CNTNAP2: variants seen among roughly 807,000 people sequenced by gnomAD.
CNTNAP2 encodes contactin associated protein 2, also known as contactin-associated protein-like 2.
CNTNAP2 carries 98 observed loss-of-function variants against 155.2 expected under a neutral mutation model. The observed-to-expected ratio is 0.63, with a 90% CI of 0.54 to 0.75. The LOEUF (loss-of-function observed/expected upper bound fraction) is 0.75. CNTNAP2 is among the 30% of genes least tolerant of loss of function. The pLI, the probability that CNTNAP2 is intolerant of heterozygous loss-of-function variation, is 0.00. For synonymous variants in CNTNAP2, 651 were observed against 631.2 expected (o/e 1.03, Z -0.47); for missense variants, 1,727 against 1,688.1 (o/e 1.02, Z -0.40).
Position 146,116,839 on chromosome 7 carries a change from A to G in CNTNAP2, c.-38A>G. 1 of 1,505,530 alleles carries G rather than the reference A, an allele frequency of 6.6e-7. No homozygotes were observed. Among genetic ancestry groups the G allele is most frequent in the Non-Finnish European group, 9.0e-7 (1 of 1,113,636 alleles). The allele number at this position is 1,505,530 out of a possible 1,614,324, so 93.3% of individuals were successfully genotyped here. A position where few individuals can be genotyped will look rare whatever the true frequency, so the allele number is the denominator to read the frequency against. On this transcript the variant is annotated 5_prime_UTR_variant, in exon 1 of 24. Transcript: ENST00000361727. This position sits in a 1 kb window ranked among gnomAD's most constrained non-coding sequence, Gnocchi z 5.5. The stretch of plus-strand genomic sequence containing the variant: ...ACGGAGAGTCGGACTGCATCTCCGC[A>G]GCGAGCTCTTGGAGCGCCGCCGGCC...
At chr7:146,932,590 A>G (rs1796799125) in intron 3 of CNTNAP2, among the ~76,000 whole-genome samples, 2 of 152,140 alleles carry the variant, frequency 1.3e-5, no homozygotes, top group South Asian at 4.1e-4. Context: ...TGGCCAGGGC[A>G]ATTAGGCAGG....
intron 14 of CNTNAP2, among the ~76,000 whole-genome samples, chr7:147,961,378 T>C (rs1440280095): frequency 1.3e-5 from 2 of 152,156 alleles, no homozygotes; most frequent in Non-Finnish European, 2.9e-5. Context: ...AATGAGCTAG[T>C]GTGGTTATTT....
intron 3 of CNTNAP2, among the ~76,000 whole-genome samples, chr7:146,913,381 G>T (rs1796329770): frequency 6.6e-6 from 1 of 152,148 alleles, no homozygotes; most frequent in Non-Finnish European, 1.5e-5. Flanking sequence ...AGGTGAAAAA[G>T]TTTGATGAAA....
chr7:146,550,413 T>TTGTTTTTG (rs1261565587), intron 1 of CNTNAP2, among the ~76,000 whole-genome samples: 2 of 117,120 alleles, frequency 1.7e-5, no homozygotes, highest in Non-Finnish European at 3.9e-5. Flanking sequence ...TTTTTTTTTT[T>TTGTTTTTG]TTTTTTTTTT....
At chr7:146,463,496 T>A (rs1206240597) in intron 1 of CNTNAP2, among the ~76,000 whole-genome samples, 1 of 152,090 alleles carries the variant, frequency 6.6e-6, no homozygotes, top group African/African-American at 2.4e-5. Context: ...GGAACATTGT[T>A]CTTAAATGTG....
At chr7:146,978,541 C>G (rs1238758666) in intron 3 of CNTNAP2, among the ~76,000 whole-genome samples, 7 of 152,072 alleles carry the variant, frequency 4.6e-5, no homozygotes, top group Admixed American at 2.6e-4. Flanking sequence ...TGTCAAAAGA[C>G]TATTTAAGAA....
At chr7:146,381,721 A>T (rs1299086749) in intron 1 of CNTNAP2, among the ~76,000 whole-genome samples, 1 of 152,206 alleles carries the variant, frequency 6.6e-6, no homozygotes, top group Non-Finnish European at 1.5e-5. Flanking sequence ...AGAAGAGCTA[A>T]AGATAAGGGC....
intron 11 of CNTNAP2, among the ~76,000 whole-genome samples, chr7:147,503,329 C>T (rs1798852201): frequency 6.6e-6 from 1 of 152,204 alleles, no homozygotes; most frequent in African/African-American, 2.4e-5. Context: ...CTTGTAAAGA[C>T]ACCAGCCATT....
At chr7:146,934,445 G>GT (rs1796865412) in intron 3 of CNTNAP2, among the ~76,000 whole-genome samples, 1 of 124,768 alleles carries the variant, frequency 8.0e-6, no homozygotes, top group Admixed American at 9.1e-5. Context: ...CTGTTGTGGG[G>GT]TGGGGGGAGG....
At chr7:148,047,050 A>G (rs1320004858) in intron 15 of CNTNAP2, among the ~76,000 whole-genome samples, 1 of 151,868 alleles carries the variant, frequency 6.6e-6, no homozygotes, top group African/African-American at 2.4e-5. Flanking sequence ...TTGGGCCCCC[A>G]CCTCCCCAAC....
intron 11 of CNTNAP2, among the ~76,000 whole-genome samples, chr7:147,521,333 A>G (rs994731965): frequency 6.6e-6 from 1 of 152,190 alleles, no homozygotes; most frequent in African/African-American, 2.4e-5. Flanking sequence ...TTCTTCTCAT[A>G]CAAGGTTTGG....
intron 3 of CNTNAP2, among the ~76,000 whole-genome samples, chr7:146,866,096 G>A (rs976212428): frequency 6.6e-6 from 1 of 152,014 alleles, no homozygotes; most frequent in African/African-American, 2.4e-5. Flanking sequence ...ACTGAATTCA[G>A]TGCTATTTGC....
At chr7:147,916,861 A>C (rs940234019) in intron 14 of CNTNAP2, among the ~76,000 whole-genome samples, 6 of 152,092 alleles carry the variant, frequency 3.9e-5, no homozygotes, top group African/African-American at 1.4e-4. Context: ...CACCCTCCCT[A>C]CCAGGCCAGC....
chr7:146,711,008 C>G (rs12703833), intron 1 of CNTNAP2, among the ~76,000 whole-genome samples: 1 of 151,784 alleles, frequency 6.6e-6, no homozygotes, highest in East Asian at 2.0e-4. Flanking sequence ...TTCACTTAAC[C>G]TGGAACCTCC....
chr7:147,756,407 A>G (rs1393223535), intron 13 of CNTNAP2, among the ~76,000 whole-genome samples: 5 of 152,220 alleles, frequency 3.3e-5, no homozygotes, highest in East Asian at 1.9e-4. Context: ...CAATGTATCA[A>G]TGATTGCATT....
At chr7:146,555,676 A>G (rs1798188450) in intron 1 of CNTNAP2, among the ~76,000 whole-genome samples, 1 of 152,212 alleles carries the variant, frequency 6.6e-6, no homozygotes, top group African/African-American at 2.4e-5. Context: ...TATTATGTTT[A>G]ATGAAATTAC....
At position 147,649,124 on chromosome 7, in the gene CNTNAP2, A is replaced by G. The variant is rs1034456633; in HGVS notation, c.2098+9818A>G. 3.3e-5 allele frequency among the ~76,000 whole-genome samples: 5 copies of G among 152,150 alleles called. No homozygotes were observed. The East Asian group carries it at 9.6e-4, about 29-fold the overall frequency. On this transcript the variant is annotated intron_variant, in intron 13 of 23. Coordinates refer to ENST00000361727, the MANE Select transcript of CNTNAP2 (RefSeq NM_014141.6). ...GGTAAATTTTATTAAGGGTAGCTCGAGTTGTACTAAAAGGGTACTGCTAGT... is the reference window on the plus strand; with the variant it reads ...GGTAAATTTTATTAAGGGTAGCTCGGGTTGTACTAAAAGGGTACTGCTAGT...
At chr7:147,924,981 T>C (rs535022169) in intron 14 of CNTNAP2, among the ~76,000 whole-genome samples, 1 of 151,876 alleles carries the variant, frequency 6.6e-6, no homozygotes, top group South Asian at 2.1e-4. Context: ...TAGCCAGGCT[T>C]AGAGGCACGA....
At chr7:148,231,991 G>T (rs1195101520) in intron 20 of CNTNAP2, among the ~76,000 whole-genome samples, 1 of 152,184 alleles carries the variant, frequency 6.6e-6, no homozygotes, top group Non-Finnish European at 1.5e-5. Context: ...TCTGCACCTG[G>T]AAGTGTTGGG....
Sources: allele counts gnomAD v4.1 joint callset (sites outside exome capture counted in the v4.1 genomes callset), GRCh38; gene constraint gnomAD v4.1.1; non-coding constraint Gnocchi (gnomAD v3.1); transcripts MANE v1.5; gene names NCBI Gene and HGNC (gene_info 2026-07-23, HGNC 2026-07-21).